THSD4: variants seen among roughly 807,000 people sequenced by gnomAD.
The protein encoded by THSD4 is thrombospondin type 1 domain containing 4, also known as thrombospondin type-1 domain-containing protein 4.
A neutral mutation model predicts 119.0 loss-of-function variants in THSD4; 69 were observed. That is an observed-to-expected ratio of 0.58 (90% CI 0.48 to 0.71). The LOEUF is 0.71. Ranked by LOEUF, THSD4 falls within the 30% of genes least tolerant of loss-of-function variation. THSD4 has a pLI of 0.00. For missense variants in THSD4, 1,393 were observed against 1,391.1 expected (o/e 1.00, Z -0.02); for synonymous variants, 524 against 540.4 (o/e 0.97, Z 0.42).
rs1555441477 is a variant in THSD4, at chr15:71,687,769, A to AC, written c.1357+27035_1357+27036insC. Among the ~76,000 whole-genome samples the AC allele has an allele frequency of 7.7e-4, 43 of 56,164 alleles. 1 individual carries two copies. The East Asian group carries it at 0.012, about 15-fold the overall frequency. 36.8% of individuals were successfully genotyped at this position (56,164 alleles called of 152,430 possible). The stretch of plus-strand genomic sequence containing the variant: ...AAACTCTGTCTCAAAAAAAAAAAAA[A>AC]AAACAAACCAGCACCTCAGAAATTC... On this transcript the variant is annotated intron_variant, in intron 8 of 17. Coordinates refer to ENST00000261862, the MANE Select transcript of THSD4 (RefSeq NM_024817.3).
At position 71,777,347 on chromosome 15, in the gene THSD4, G is replaced by GCAGA; in HGVS notation, c.3032_3035dup (p.Gly1013AspfsTer16). The GCAGA allele has an allele frequency of 1.2e-6, 2 of 1,614,146 alleles. No homozygotes were observed. Among genetic ancestry groups the GCAGA allele is most frequent in the Non-Finnish European group, 1.7e-6 (2 of 1,180,036 alleles). On this transcript the variant is annotated frameshift_variant, in exon 18 of 18. Coordinates refer to ENST00000261862, the MANE Select transcript of THSD4 (RefSeq NM_024817.3). LOFTEE classifies it high-confidence loss of function. Reference sequence around the variant, plus strand: ...CCTCCTGCACCCGTGTGGCCAACAGGCAGACGGGCTTCCTGGGGAGCAGAT... The same window carrying GCAGA: ...CCTCCTGCACCCGTGTGGCCAACAGGCAGACAGACGGGCTTCCTGGGGAGCAGAT...
chr15:71,554,477 C>G (rs762830266), intron 7 of THSD4, among the ~76,000 whole-genome samples: 17 of 152,140 alleles, frequency 1.1e-4, no homozygotes, highest in Non-Finnish European at 2.2e-4. Context: ...CAGCCTCAAC[C>G]TCCCAGGCTC....
At chr15:71,339,825 C>T (rs1472753579) in intron 6 of THSD4, among the ~76,000 whole-genome samples, 9 of 151,784 alleles carry the variant, frequency 5.9e-5, no homozygotes, top group African/African-American at 9.7e-5. Context: ...AGTGCAGTGG[C>T]GCGATCTCCG....
At position 71,397,961 on chromosome 15, in the gene THSD4, G is replaced by A. The variant is rs189987866; in HGVS notation, c.1016-13726G>A. ...ATCTCTGTGCAATATTTTAAGTGTGGTGAGGTCATTGACAAACAGTATGAC... is the reference window on the plus strand; with the variant it reads ...ATCTCTGTGCAATATTTTAAGTGTGATGAGGTCATTGACAAACAGTATGAC... On this transcript the variant is annotated intron_variant, in intron 6 of 17. Transcript: ENST00000261862. Among the ~76,000 whole-genome samples the A allele has an allele frequency of 2.2e-3, 337 of 152,290 alleles. 4 individuals carry two copies. The highest frequency in any genetic ancestry group is 9.7e-4 in the Non-Finnish European group (66 of 68,028).
chr15:71,623,442 A>G (rs2140931597), intron 7 of THSD4, among the ~76,000 whole-genome samples: 1 of 152,374 alleles, frequency 6.6e-6, no homozygotes, highest in East Asian at 1.9e-4. Flanking sequence ...GTAAGTAAAC[A>G]GTAGAGCCAA....
At chr15:71,471,087 C>T (rs2047571727) in intron 7 of THSD4, among the ~76,000 whole-genome samples, 1 of 152,196 alleles carries the variant, frequency 6.6e-6, no homozygotes, top group Admixed American at 6.5e-5. Flanking sequence ...GGGATAACCC[C>T]TTGGCCTTGA....
chr15:71,478,793 A>G (rs2047685334), intron 7 of THSD4, among the ~76,000 whole-genome samples: 1 of 152,200 alleles, frequency 6.6e-6, no homozygotes, highest in Non-Finnish European at 1.5e-5. Context: ...AAGGACGAGA[A>G]TCATATGAGC....
chr15:71,445,699 C>G (rs550599301), intron 7 of THSD4, among the ~76,000 whole-genome samples: 1 of 152,324 alleles, frequency 6.6e-6, no homozygotes, highest in South Asian at 2.1e-4. Context: ...GCTGAGTACC[C>G]AAGTCTGAAA....
At chr15:71,422,349 T>C (rs2046819539) in intron 7 of THSD4, among the ~76,000 whole-genome samples, 1 of 152,214 alleles carries the variant, frequency 6.6e-6, no homozygotes, top group Admixed American at 6.5e-5. Context: ...TGCAGGGACT[T>C]GGGTGTTGTG....
intron 5 of THSD4, among the ~76,000 whole-genome samples, chr15:71,252,068 A>T (rs372954626): frequency 1.3e-5 from 2 of 152,324 alleles, no homozygotes; most frequent in South Asian, 2.1e-4. Context: ...CTTGGCTCTA[A>T]ATCTCCAGAC....
intron 8 of THSD4, among the ~76,000 whole-genome samples, chr15:71,711,096 C>T (rs201903912): frequency 2.3e-5 from 3 of 129,388 alleles, no homozygotes; most frequent in African/African-American, 5.4e-5. Context: ...TATATATATA[C>T]ATATATATAT....
chr15:71,232,602 C>A (rs2044070517), intron 4 of THSD4, among the ~76,000 whole-genome samples: 1 of 151,824 alleles, frequency 6.6e-6, no homozygotes, highest in South Asian at 2.1e-4. Context: ...AGGAGGGAGT[C>A]TTGCCGCACA....
intron 7 of THSD4, among the ~76,000 whole-genome samples, chr15:71,637,355 A>G (rs1225930384): frequency 6.6e-6 from 1 of 152,194 alleles, no homozygotes. Context: ...CATGGAGAAA[A>G]TGCAGTCAAG....
At chr15:71,539,776 G>A (rs2048732925) in intron 7 of THSD4, among the ~76,000 whole-genome samples, 2 of 152,120 alleles carry the variant, frequency 1.3e-5, no homozygotes, top group Admixed American at 1.3e-4. Context: ...TTGCTATAAA[G>A]CCCTCCTTTG....
intron 8 of THSD4, among the ~76,000 whole-genome samples, chr15:71,689,784 A>G (rs548065613): frequency 6.6e-6 from 1 of 152,316 alleles, no homozygotes; most frequent in South Asian, 2.1e-4. Flanking sequence ...TCTTCTGGAC[A>G]ATGGAAGAGA....
At chr15:71,598,848 G>A (rs760667460) in intron 7 of THSD4, among the ~76,000 whole-genome samples, 39 of 151,986 alleles carry the variant, frequency 2.6e-4, no homozygotes, top group Non-Finnish European at 4.6e-4. Context: ...GAACTCCTGG[G>A]CTCAAGCAAC....
chr15:71,146,930 C>G (rs1383126677), intron 2 of THSD4, among the ~76,000 whole-genome samples: 1 of 152,202 alleles, frequency 6.6e-6, no homozygotes, highest in African/African-American at 2.4e-5. Context: ...CTAGAACATT[C>G]TGTACCCAAA....
chr15:71,483,188 C>T (rs760886980), intron 7 of THSD4, among the ~76,000 whole-genome samples: 1 of 152,112 alleles, frequency 6.6e-6, no homozygotes, highest in Non-Finnish European at 1.5e-5. Context: ...AGAGAAGATG[C>T]ATAGGCCAAG....
intron 7 of THSD4, among the ~76,000 whole-genome samples, chr15:71,459,362 C>CTG (rs779375516): frequency 8.5e-6 from 1 of 117,958 alleles, no homozygotes; most frequent in Non-Finnish European, 1.9e-5. Context: ...CTCTCTCTCT[C>CTG]TGTCTCTCTG....
Sources: allele counts gnomAD v4.1 joint callset (sites outside exome capture counted in the v4.1 genomes callset), GRCh38; gene constraint gnomAD v4.1.1; transcripts MANE v1.5; gene names NCBI Gene and HGNC (gene_info 2026-07-23, HGNC 2026-07-21).